The following LRPPRC variants were observed in gnomAD, a reference collection of about 807,000 sequenced individuals.
The protein encoded by LRPPRC is leucine-rich PPR motif-containing protein, mitochondrial.
In LRPPRC, 120 loss-of-function variants were observed where a neutral mutation model predicts 180.3. The ratio of observed to expected loss-of-function variants is 0.67; its 90% CI spans 0.57 to 0.77. The LOEUF is 0.77. Among genes scored for constraint, LRPPRC ranks in the 30% least tolerant of loss-of-function variants. The probability of loss-of-function intolerance (pLI) is 0.00; values close to 1 mark genes in which losing one functional copy is unlikely to be tolerated. For synonymous variants in LRPPRC, 723 were observed against 600.0 expected, an observed-to-expected ratio of 1.21 and a Z score of -3.00; for missense variants, 2,012 against 1,657.2, an observed-to-expected ratio of 1.21 and a Z score of -3.72.
intron 30 of LRPPRC, among the ~76,000 whole-genome samples, chr2:43,911,188 G>C (rs976773527): frequency 6.6e-6 from 1 of 151,204 alleles, no homozygotes; most frequent in South Asian, 2.1e-4. Context: ...ATTAGGAATT[G>C]AGAAAACACA....
At chr2:43,889,537 T>C (rs1670404986) in intron 37 of LRPPRC, among the ~76,000 whole-genome samples, 197 bp downstream of exon 37, 1 of 152,174 alleles carries the variant, frequency 6.6e-6, no homozygotes, top group South Asian at 2.1e-4. Flanking sequence ...TATTTTAAAC[T>C]GTGGCCCCAG....
At chr2:43,945,512 G>A in intron 21 of LRPPRC, 95 bp from the exon 22 acceptor site, 2 of 771,834 alleles carry the variant, frequency 2.6e-6, no homozygotes, top group South Asian at 2.8e-5. Flanking sequence ...AAGCTCATCA[G>A]AAGACCTGAA....
At chr2:43,929,730 T>G (rs945659505) in intron 25 of LRPPRC, among the ~76,000 whole-genome samples, 4 of 152,154 alleles carry the variant, frequency 2.6e-5, no homozygotes, top group Non-Finnish European at 5.9e-5. Context: ...ATTAAGTCTT[T>G]TAGCATTTGT....
Position 43,918,099 on chromosome 2 carries a change from G to A in LRPPRC, c.3074C>T (p.Ser1025Phe). 1 of 1,613,800 alleles carries A rather than the reference G, an allele frequency of 6.2e-7. No individual in the cohort carries two copies. The highest frequency in any genetic ancestry group is 1.1e-5 in the South Asian group (1 of 91,052). ...AGGTTCTGTGGTTGAGGCTGACGAA[G>A]AATTCAGGGAATGTTTTTCATCTTC... ...WYEDEKHSLN[S>F]SSASTTEPDF... Residue 1025 changes from serine (S) to phenylalanine (F), a missense_variant, in exon 29 of 38, where the codon TCT (serine) becomes TTT (phenylalanine). Coordinates refer to ENST00000260665, the MANE Select transcript of LRPPRC (RefSeq NM_133259.4).
chr2:43,915,232 TCACACACACACACACACACACACACA>T (rs375631611), intron 29 of LRPPRC, among the ~76,000 whole-genome samples: 57 of 51,820 alleles, frequency 1.1e-3, no homozygotes, highest in African/African-American at 4.8e-3. Context: ...TCTCTCTCTC[TCACACACACACACACACACACACACA>T]CACACACACA....
intron 14 of LRPPRC, among the ~76,000 whole-genome samples, chr2:43,952,137 G>A (rs1018001546): frequency 6.6e-5 from 10 of 151,944 alleles, no homozygotes; most frequent in Admixed American, 6.6e-4. Context: ...AGGTTGCGGT[G>A]AGCCAAGATC....
At chr2:43,915,410 C>G (rs1348346841) in intron 29 of LRPPRC, among the ~76,000 whole-genome samples, 1 of 151,916 alleles carries the variant, frequency 6.6e-6, no homozygotes, top group African/African-American at 2.4e-5. Flanking sequence ...ATGGGCCGGG[C>G]ATGGTGGCTC....
Position 43,980,972 on chromosome 2 carries a change from ATAAT to A in LRPPRC, c.347-1028_347-1025del, listed in dbSNP as rs1426192950. ...TCTTTAAATGTACATAACTATAGTA[ATAAT>A]TAATACTTCTTTGGTATCTCTCACC... On this transcript the variant is annotated intron_variant, in intron 2 of 37. Coordinates refer to ENST00000260665, the MANE Select transcript of LRPPRC (RefSeq NM_133259.4). Among the ~76,000 whole-genome samples the A allele has an allele frequency of 2.0e-5, 3 of 152,308 alleles. No individual in the cohort carries two copies. In the East Asian group the frequency reaches 5.8e-4, roughly 29 times the overall value.
chr2:43,922,340 T>C (rs1671726808), intron 27 of LRPPRC, among the ~76,000 whole-genome samples: 1 of 152,202 alleles, frequency 6.6e-6, no homozygotes, highest in Admixed American at 6.5e-5. Flanking sequence ...ATGTTATGAT[T>C]TACAACAAAA....
At chr2:43,888,889 T>G (rs1325493438) in intron 37 of LRPPRC, among the ~76,000 whole-genome samples, 2 of 151,836 alleles carry the variant, frequency 1.3e-5, no homozygotes, top group Non-Finnish European at 2.9e-5. Context: ...TGTATACGTG[T>G]GTATGTGCAA....
At chr2:43,903,955 G>T (rs943291036) in intron 31 of LRPPRC, 1 of 151,790 alleles carries the variant, frequency 6.6e-6, no homozygotes, top group Non-Finnish European at 1.5e-5. Context: ...GTCTTTTTTG[G>T]GGGGGCCGGG....
At chr2:43,951,415 T>A (rs999848634) in intron 14 of LRPPRC, among the ~76,000 whole-genome samples, 3 of 152,310 alleles carry the variant, frequency 2.0e-5, no homozygotes, top group African/African-American at 7.2e-5. Flanking sequence ...GAGGGGCTAA[T>A]GTGCCAAAGT....
rs148843107 is a variant in LRPPRC, at chr2:43,973,807, C to T, written c.1249G>A (p.Ala417Thr). Residue 417 changes from alanine to threonine, a missense_variant, in exon 10 of 38, where the codon GCC becomes ACC. Physicochemically the swap from Ala to Thr is moderately conservative, Grantham distance 58. Coordinates refer to ENST00000260665, the MANE Select transcript of LRPPRC (RefSeq NM_133259.4). ...LQFTLHCALL[A>T]NKTDLAKALM... The stretch of plus-strand genomic sequence containing the variant: ...AAGAATGTAGTACCAGTTTTATTGG[C>T]GAGTAAAGCACAATGGAGGGTGAAC... 1.2e-5 allele frequency: 20 copies of T among 1,612,854 alleles called. No individual in the cohort carries two copies. Among genetic ancestry groups the T allele is most frequent in the African/African-American group, 6.7e-5 (5 of 74,870 alleles).
At chr2:43,939,846 T>G (rs1336446753) in intron 23 of LRPPRC, among the ~76,000 whole-genome samples, 2 of 152,230 alleles carry the variant, frequency 1.3e-5, no homozygotes, top group Non-Finnish European at 2.9e-5. Context: ...ACATGTCAAG[T>G]GCTTTCCAGC....
chr2:43,977,083 A>G, intron 4 of LRPPRC, 31 bp from the exon 5 acceptor site: 1 of 1,610,592 alleles, frequency 6.2e-7, no homozygotes, highest in Non-Finnish European at 8.5e-7. Context: ...TTAATTTTAA[A>G]TATACTTTTT....
At chr2:43,909,458 A>C (rs891876491) in intron 30 of LRPPRC, among the ~76,000 whole-genome samples, 4 of 152,112 alleles carry the variant, frequency 2.6e-5, no homozygotes, top group African/African-American at 9.7e-5. Context: ...AAATGAGGAG[A>C]TAATGGTTAA....
chr2:43,974,113 A>G, intron 9 of LRPPRC, 37 bp downstream of exon 9: 1 of 1,577,726 alleles, frequency 6.3e-7, no homozygotes, highest in Non-Finnish European at 8.7e-7. Context: ...TTTCACTGCC[A>G]ATTACATTGT....
Position 43,963,577 on chromosome 2 carries a change from C to G in LRPPRC, c.1488+11G>C. On this transcript the variant is annotated intron_variant, in intron 12 of 37. Transcript: ENST00000260665. ...CTTCAATTATTAAATTAAAACCACA[C>G]TTGTACTCACCTGCAAAATGGCTCG... 1 of 1,455,532 alleles carries G rather than the reference C, an allele frequency of 6.9e-7. No homozygotes were observed. Among genetic ancestry groups the G allele is most frequent in the Non-Finnish European group, 9.7e-7 (1 of 1,035,760 alleles). The allele number at this position is 1,455,532 out of a possible 1,614,324, so 90.2% of individuals were successfully genotyped here. A position where few individuals can be genotyped will look rare whatever the true frequency, so the allele number is the denominator to read the frequency against.
intron 5 of LRPPRC, among the ~76,000 whole-genome samples, 155 bp downstream of exon 5, chr2:43,976,839 T>C (rs925819939): frequency 6.6e-6 from 1 of 152,182 alleles, no homozygotes; most frequent in Non-Finnish European, 1.5e-5. Context: ...TAATTTTATA[T>C]TTTATGTAAG....
Sources: gnomAD v4.1 joint callset for allele counts (sites outside exome capture counted in the v4.1 genomes callset) on GRCh38, gnomAD v4.1.1 for gene constraint, MANE v1.5 for transcripts, NCBI Gene and HGNC (gene_info 2026-07-23, HGNC 2026-07-21) for gene names.